GFM1: variants seen among roughly 807,000 people sequenced by gnomAD.
GFM1 encodes elongation factor G, mitochondrial.
Under a neutral mutation model 96.2 loss-of-function variants are expected in GFM1, and 62 were observed. The observed-to-expected ratio is 0.64, with a 90% confidence interval of 0.53 to 0.80. The LOEUF (loss-of-function observed/expected upper bound fraction) is 0.80, where lower values mean the gene tolerates loss of function less well. Among genes scored for constraint, GFM1 ranks in the 30% least tolerant of loss-of-function variants. The probability of loss-of-function intolerance (pLI) is 0.00; values close to 1 mark genes in which losing one functional copy is unlikely to be tolerated. For synonymous variants in GFM1, 282 were observed against 312.9 expected, an observed-to-expected ratio of 0.90 and a Z score of 1.04; for missense variants, 852 against 916.6, an observed-to-expected ratio of 0.93 and a Z score of 0.91.
Position 158,682,665 on chromosome 3 carries a change from T to G in GFM1, c.1764+508T>G, listed in dbSNP as rs375909577. ...GGATCAGATAAGACTATGTGACATT[T>G]CCTTGGAGAAGTGCTTTGCACATAT... is the stretch of plus-strand genomic sequence containing the variant. On this transcript the variant is annotated intron_variant, in intron 14 of 17. Coordinates refer to ENST00000486715, the MANE Select transcript of GFM1 (RefSeq NM_024996.7). 1.4e-4 allele frequency among the ~76,000 whole-genome samples: 21 copies of G among 152,336 alleles called. No individual in the cohort carries two copies. The East Asian group carries it at 2.5e-3, about 18-fold the overall frequency.
At position 158,691,196 on chromosome 3, in the gene GFM1, G is replaced by A; in HGVS notation, c.2124+4G>A. On this transcript the variant is annotated splice_donor_region_variant and intron_variant, in intron 17 of 17. Coordinates refer to ENST00000486715, the MANE Select transcript of GFM1 (RefSeq NM_024996.7). ...TGAACTTAGGTCATGCACAGAGGTA[G>A]GCAAATTTAAACTTACCCTTCAAAA... 6.2e-7 allele frequency: 1 copy of A among 1,611,818 alleles called. No homozygotes were observed. The highest frequency in any genetic ancestry group is 8.5e-7 in the Non-Finnish European group (1 of 1,178,042).
intron 5 of GFM1, 31 bp from the exon 6 acceptor site, chr3:158,652,065 C>T: frequency 6.3e-7 from 1 of 1,598,392 alleles, no homozygotes; most frequent in Non-Finnish European, 8.6e-7. Flanking sequence ...AGTTGAATAT[C>T]CTTAAAGCAC....
chr3:158,690,558 TTTCTTGAA>T, intron 16 of GFM1: 1 of 520,310 alleles, frequency 1.9e-6, no homozygotes, highest in South Asian at 2.2e-5. Flanking sequence ...ATTATCTCTC[TTTCTTGAA>T]TAAGCACAGA....
chr3:158,649,438 T>C (rs2108010459), intron 5 of GFM1: 1 of 305,400 alleles, frequency 3.3e-6, no homozygotes, highest in East Asian at 8.0e-5. Flanking sequence ...TTAGTAAATT[T>C]GGGTTAGTGA....
At chr3:158,664,179 C>T (rs1344235660) in intron 11 of GFM1, among the ~76,000 whole-genome samples, 2 of 152,224 alleles carry the variant, frequency 1.3e-5, no homozygotes, top group African/African-American at 2.4e-5. Flanking sequence ...TAAATGATAG[C>T]TGTTAATATT....
chr3:158,683,575 G>A (rs1448131084), intron 14 of GFM1, among the ~76,000 whole-genome samples: 1 of 152,236 alleles, frequency 6.6e-6, no homozygotes, highest in Non-Finnish European at 1.5e-5. Context: ...GAGCTATAAT[G>A]TAGTGATCTG....
chr3:158,671,049 G>A (rs759471780), intron 13 of GFM1: 1 of 1,490,798 alleles, frequency 6.7e-7, no homozygotes. Context: ...GTGGAGACAA[G>A]AAAATATTAT....
At chr3:158,671,167 G>A (rs1454693666) in intron 13 of GFM1, 6 of 1,158,612 alleles carry the variant, frequency 5.2e-6, no homozygotes, top group Non-Finnish European at 6.6e-6. Flanking sequence ...ATGTCACCAT[G>A]AATGTAACAT....
At position 158,684,944 on chromosome 3, in the gene GFM1, G is replaced by A. The variant is rs533721398; in HGVS notation, c.1909+276G>A. 9.0e-5 allele frequency: 30 copies of A among 333,982 alleles called. No homozygotes were observed. In the East Asian group the frequency reaches 1.5e-3, roughly 17 times the overall value. 20.7% of individuals were successfully genotyped at this position (333,982 alleles called of 1,614,324 possible). A position where few individuals can be genotyped will look rare whatever the true frequency, so the allele number is the denominator to read the frequency against. On this transcript the variant is annotated intron_variant, in intron 15 of 17. Coordinates refer to ENST00000486715, the MANE Select transcript of GFM1 (RefSeq NM_024996.7). Reference sequence around the variant, plus strand: ...TAATTTATAAGTTCTGTTTTTAATAGGGAAGACTGAAATGTTCAGAATTCT... The same window carrying A: ...TAATTTATAAGTTCTGTTTTTAATAAGGAAGACTGAAATGTTCAGAATTCT...
intron 16 of GFM1, 89 bp downstream of exon 16, chr3:158,690,412 T>G (rs1038631362): frequency 3.2e-5 from 41 of 1,272,082 alleles, no homozygotes; most frequent in Non-Finnish European, 4.6e-5. Flanking sequence ...TGGACACATT[T>G]CCTTGCTGAA....
chr3:158,655,251 C>T (rs1722648077), intron 8 of GFM1, among the ~76,000 whole-genome samples: 1 of 151,960 alleles, frequency 6.6e-6, no homozygotes, highest in African/African-American at 2.4e-5. Flanking sequence ...AGTGGGAGGC[C>T]AAGGCGGGCG....
chr3:158,680,931 G>A (rs992421969), intron 13 of GFM1, among the ~76,000 whole-genome samples: 4 of 152,128 alleles, frequency 2.6e-5, no homozygotes, highest in Non-Finnish European at 4.4e-5. Context: ...AACAGCCATG[G>A]TTAGTTATTA....
At chr3:158,655,899 A>T (rs1276522133) in intron 8 of GFM1, 1 of 457,338 alleles carries the variant, frequency 2.2e-6, no homozygotes, top group Admixed American at 2.3e-5. Flanking sequence ...ATGTCTCCTT[A>T]TGATCTCCTA....
intron 13 of GFM1, among the ~76,000 whole-genome samples, chr3:158,681,457 A>C (rs570934962): frequency 4.4e-4 from 67 of 152,330 alleles, no homozygotes; most frequent in Non-Finnish European, 7.6e-4. Flanking sequence ...TGACTTACTT[A>C]TGTTAGTCTC....
At chr3:158,675,324 T>C (rs901627431) in intron 13 of GFM1, among the ~76,000 whole-genome samples, 3 of 135,390 alleles carry the variant, frequency 2.2e-5, no homozygotes, top group African/African-American at 8.2e-5. Flanking sequence ...GTTTTCAAGA[T>C]AAAAGAGGAG....
rs376620785 is a variant in GFM1, at chr3:158,690,339, C to T, written c.2070+16C>T. On this transcript the variant is annotated intron_variant, in intron 16 of 17. Coordinates refer to ENST00000486715, the MANE Select transcript of GFM1 (RefSeq NM_024996.7). ...GTATGCAGATGTAAGTAGTCTTGGT[C>T]ATTGGCAGTCCTGCTTTTATTAACC... The T allele has an allele frequency of 6.2e-7, 1 of 1,610,660 alleles. No individual in the cohort carries two copies. Among genetic ancestry groups the T allele is most frequent in the Non-Finnish European group, 8.5e-7 (1 of 1,176,972 alleles).
chr3:158,654,243 C>T (rs1237845206), intron 7 of GFM1, among the ~76,000 whole-genome samples: 73 of 78,164 alleles, frequency 9.3e-4, no homozygotes, highest in African/African-American at 3.8e-3. Context: ...GAGACAAAGT[C>T]TTGCTCGGTT....
At chr3:158,672,122 G>T (rs1724379779) in intron 13 of GFM1, among the ~76,000 whole-genome samples, 1 of 152,130 alleles carries the variant, frequency 6.6e-6, no homozygotes, top group African/African-American at 2.4e-5. Context: ...TAAAAACTTT[G>T]TCTCTGCCTT....
At chr3:158,649,861 C>A in intron 5 of GFM1, 1 of 652,860 alleles carries the variant, frequency 1.5e-6, no homozygotes, top group South Asian at 1.9e-5. Flanking sequence ...CCGTAGTTTG[C>A]ATTTCTGGAA....
Sources: allele counts gnomAD v4.1 joint callset (sites outside exome capture counted in the v4.1 genomes callset), GRCh38; gene constraint gnomAD v4.1.1; transcripts MANE v1.5; gene names NCBI Gene and HGNC (gene_info 2026-07-23, HGNC 2026-07-21).